The following LYPLAL1 variants were observed in gnomAD, a reference collection of about 807,000 sequenced individuals.
LYPLAL1 encodes lysophospholipase like 1, also known as lysophospholipase-like protein 1.
Under a neutral mutation model 19.7 loss-of-function variants are expected in LYPLAL1, and 23 were observed. The ratio of observed to expected loss-of-function variants is 1.17; its 90% CI spans 0.84 to 1.65. LYPLAL1 has a LOEUF of 1.65. Among genes scored for constraint, LYPLAL1 ranks in the 40% most tolerant of loss-of-function variants. LYPLAL1 has a pLI of 0.00. For synonymous variants in LYPLAL1, 119 were observed against 96.3 expected, an observed-to-expected ratio of 1.24 and a Z score of -1.38; for missense variants, 355 against 279.4, an observed-to-expected ratio of 1.27 and a Z score of -1.93.
chr1:219,399,917 C>T, the LYPLAL1 span, among the ~76,000 whole-genome samples: 1 of 152,176 alleles, frequency 6.6e-6, no homozygotes, highest in South Asian at 2.1e-4. Flanking sequence ...CACACCAAAC[C>T]CGCTGGTCTC....
the LYPLAL1 span, among the ~76,000 whole-genome samples, chr1:219,339,173 G>A: frequency 2.6e-5 from 4 of 151,774 alleles, no homozygotes; most frequent in Admixed American, 6.6e-5. Context: ...CTCACCCTGC[G>A]TAAGTCATAG....
the LYPLAL1 span, among the ~76,000 whole-genome samples, chr1:219,268,633 T>TA: frequency 3.6e-4 from 25 of 70,012 alleles, no homozygotes; most frequent in Admixed American, 2.0e-3. Context: ...TTCTGATAAA[T>TA]AAAAAACAAG....
chr1:219,229,325 G>GAGAGAGAGAGAGAC, the LYPLAL1 span, among the ~76,000 whole-genome samples: 19 of 107,636 alleles, frequency 1.8e-4, 1 homozygote, highest in African/African-American at 5.6e-4. Context: ...GAGAGAGAGA[G>GAGAGAGAGAGAGAC]AGAGAGAGAG....
the LYPLAL1 span, among the ~76,000 whole-genome samples, chr1:219,376,496 T>C: frequency 6.6e-6 from 1 of 152,192 alleles, no homozygotes; most frequent in African/African-American, 2.4e-5. Context: ...TTGAAAACTT[T>C]TGTGCATTGA....
At chr1:219,423,575 A>T in the LYPLAL1 span, among the ~76,000 whole-genome samples, 1 of 152,220 alleles carries the variant, frequency 6.6e-6, no homozygotes, top group Non-Finnish European at 1.5e-5. Context: ...TAATTGTCCA[A>T]TGAGACAACT....
chr1:219,228,121 C>A, the LYPLAL1 span, among the ~76,000 whole-genome samples: 2 of 152,144 alleles, frequency 1.3e-5, no homozygotes, highest in African/African-American at 4.8e-5. Flanking sequence ...AAAGAGAAAC[C>A]ATCTCTTTTC....
At chr1:219,202,361 G>A (rs1361837041) in intron 3 of LYPLAL1, among the ~76,000 whole-genome samples, 3 of 152,186 alleles carry the variant, frequency 2.0e-5, no homozygotes, top group African/African-American at 7.2e-5. Context: ...GGTACCACTT[G>A]GAGACTTACA....
chr1:219,335,688 A>G, the LYPLAL1 span, among the ~76,000 whole-genome samples: 5 of 151,920 alleles, frequency 3.3e-5, no homozygotes, highest in Non-Finnish European at 7.4e-5. Context: ...TAATCTATTC[A>G]TTTACATATT....
At chr1:219,308,786 G>A in the LYPLAL1 span, among the ~76,000 whole-genome samples, 1 of 152,340 alleles carries the variant, frequency 6.6e-6, no homozygotes, top group Admixed American at 6.5e-5. Context: ...TGCAGGAGTA[G>A]GGCTCTCACA....
chr1:219,229,848 C>T, the LYPLAL1 span, among the ~76,000 whole-genome samples: 11 of 152,130 alleles, frequency 7.2e-5, no homozygotes, highest in Admixed American at 6.5e-4. Flanking sequence ...TTCCCCTAAA[C>T]TAATATTATC....
At chr1:219,432,635 A>G in the LYPLAL1 span, among the ~76,000 whole-genome samples, 5,789 of 152,290 alleles carry the variant, frequency 0.038, 211 homozygotes, top group African/African-American at 0.097. Context: ...GGGAAATGGA[A>G]GGACCACACA....
At chr1:219,352,346 GTC>G in the LYPLAL1 span, among the ~76,000 whole-genome samples, 1 of 151,704 alleles carries the variant, frequency 6.6e-6, no homozygotes, top group South Asian at 2.1e-4. Context: ...GTGAAACCCC[GTC>G]TCTACTAAAA....
At chr1:219,440,174 C>T in the LYPLAL1 span, among the ~76,000 whole-genome samples, 2 of 151,192 alleles carry the variant, frequency 1.3e-5, no homozygotes, top group Admixed American at 1.3e-4. Context: ...TTGGGAGTTC[C>T]TTATTTTCAG....
chr1:219,254,888 T>G, the LYPLAL1 span, among the ~76,000 whole-genome samples: 1 of 151,958 alleles, frequency 6.6e-6, no homozygotes, highest in African/African-American at 2.4e-5. Context: ...TGCCCTCCCT[T>G]TAAGGGATGC....
chr1:219,225,473 C>A, the LYPLAL1 span: 1 of 152,222 alleles, frequency 6.6e-6, no homozygotes, highest in Non-Finnish European at 1.5e-5. Flanking sequence ...ATTCATCCCC[C>A]CTCTCATCTT....
chr1:219,423,489 G>T, the LYPLAL1 span, among the ~76,000 whole-genome samples: 1 of 152,158 alleles, frequency 6.6e-6, no homozygotes, highest in Non-Finnish European at 1.5e-5. Context: ...ATGAATTTTT[G>T]AGTGAGATAT....
chr1:219,416,636 G>A, the LYPLAL1 span, among the ~76,000 whole-genome samples: 29 of 152,332 alleles, frequency 1.9e-4, no homozygotes, highest in Admixed American at 1.9e-3. Context: ...TGCAAATTGA[G>A]GGGTGGGTCA....
At chr1:219,373,135 G>A in the LYPLAL1 span, among the ~76,000 whole-genome samples, 1 of 152,192 alleles carries the variant, frequency 6.6e-6, no homozygotes, top group Non-Finnish European at 1.5e-5. Flanking sequence ...TAACAGTTTA[G>A]TGTTAGTCCA....
chr1:219,244,231 C>G, the LYPLAL1 span, among the ~76,000 whole-genome samples: 7 of 151,938 alleles, frequency 4.6e-5, no homozygotes, highest in Non-Finnish European at 2.9e-5. Context: ...ATTGCCTATG[C>G]CTTGAAAAAA....
Sources: gnomAD v4.1 joint callset for allele counts (sites outside exome capture counted in the v4.1 genomes callset) on GRCh38, gnomAD v4.1.1 for gene constraint, MANE v1.5 for transcripts, NCBI Gene and HGNC (gene_info 2026-07-23, HGNC 2026-07-21) for gene names.